Variants in LRRC4C observed in about 807,000 individuals in gnomAD.
LRRC4C encodes leucine-rich repeat-containing protein 4C.
In LRRC4C, 5 loss-of-function variants were observed where a neutral mutation model predicts 33.6. That is an observed-to-expected ratio of 0.15 (90% CI 0.08 to 0.31). LRRC4C has a LOEUF of 0.31. Among genes scored for constraint, LRRC4C ranks in the 10% least tolerant of loss-of-function variants. The probability of loss-of-function intolerance (pLI) is 1.00; values close to 1 mark genes in which losing one functional copy is unlikely to be tolerated. For missense variants in LRRC4C, 560 were observed against 796.7 expected (o/e 0.70, Z 3.58); for synonymous variants, 329 against 302.0 (o/e 1.09, Z -0.93).
At chr11:41,243,771 C>T (rs999054240) in intron 1 of LRRC4C, among the ~76,000 whole-genome samples, 4 of 152,054 alleles carry the variant, frequency 2.6e-5, no homozygotes, top group African/African-American at 9.7e-5. Flanking sequence ...TGGAGAGCTG[C>T]TTTAACCAGG....
chr11:40,366,339 G>A (rs1032036324), intron 3 of LRRC4C, among the ~76,000 whole-genome samples: 2 of 152,004 alleles, frequency 1.3e-5, no homozygotes, highest in African/African-American at 4.8e-5. Context: ...GATCCTTGAA[G>A]CATTTAAGAC....
chr11:40,234,896 G>C (rs1034185958), intron 5 of LRRC4C, among the ~76,000 whole-genome samples: 4 of 152,138 alleles, frequency 2.6e-5, no homozygotes, highest in Admixed American at 2.0e-4. Context: ...ACTTTTTTTA[G>C]ACTTTGCCCA....
intron 3 of LRRC4C, among the ~76,000 whole-genome samples, chr11:40,463,400 A>T (rs1441054985): frequency 1.3e-5 from 2 of 151,710 alleles, no homozygotes; most frequent in Admixed American, 6.6e-5. Flanking sequence ...ATCTTAGGAA[A>T]ACAATTGGCA....
intron 3 of LRRC4C, among the ~76,000 whole-genome samples, chr11:40,558,129 A>G (rs1254783786): frequency 6.6e-6 from 1 of 152,240 alleles, no homozygotes; most frequent in Non-Finnish European, 1.5e-5. Context: ...GTTCAGAAAT[A>G]CAAATACAAA....
At position 40,987,654 on chromosome 11, in the gene LRRC4C, T is replaced by TATATATA. The variant is rs1565274524; in HGVS notation, c.-495-53932_-495-53931insTATATAT. Among the ~76,000 whole-genome samples, 5 of 24,878 alleles carry TATATATA rather than the reference T, an allele frequency of 2.0e-4. 1 individual carries two copies. The highest frequency in any genetic ancestry group is 3.6e-4 in the Admixed American group (1 of 2,756). 16.3% of individuals were successfully genotyped at this position (24,878 alleles called of 152,430 possible). ...TGATATATATATATATATATATATC[T>TATATATA]CATATATATGAGATATAAATGATAT... On this transcript the variant is annotated intron_variant, in intron 1 of 6. Transcript: ENST00000528697.
At chr11:41,425,903 T>C (rs1402045225) in intron 1 of LRRC4C, among the ~76,000 whole-genome samples, 1 of 152,138 alleles carries the variant, frequency 6.6e-6, no homozygotes, top group Non-Finnish European at 1.5e-5. Flanking sequence ...GGTTGCCTTT[T>C]AGATAGAGCC....
rs543410586 is a variant in LRRC4C, at chr11:40,618,607, G to C, written c.-270+29535C>G. Among the ~76,000 whole-genome samples, 5 of 151,906 alleles carry C rather than the reference G, an allele frequency of 3.3e-5. 1 individual carries two copies. The South Asian group carries it at 1.0e-3, about 31-fold the overall frequency. Reference sequence around the variant, plus strand: ...CCCATTACCTAACACAATAAAGTCTGAAGCCAGAGAGAGCCCTCTTTGCTC... The same window carrying C: ...CCCATTACCTAACACAATAAAGTCTCAAGCCAGAGAGAGCCCTCTTTGCTC... On this transcript the variant is annotated intron_variant, in intron 3 of 6. Transcript: ENST00000528697.
At chr11:40,598,579 T>C (rs1959621439) in intron 3 of LRRC4C, among the ~76,000 whole-genome samples, 2 of 152,174 alleles carry the variant, frequency 1.3e-5, no homozygotes, top group Non-Finnish European at 2.9e-5. Context: ...GCAGGTGCAA[T>C]GCTCTGTGCT....
In LRRC4C at chr11:41,198,774, C is replaced by T. The variant is rs560804798; in HGVS notation, c.-496+260657G>A. Among the ~76,000 whole-genome samples the T allele has an allele frequency of 1.4e-4, 21 of 151,954 alleles. No individual in the cohort carries two copies. In the South Asian group the frequency reaches 4.4e-3, roughly 32 times the overall value. ...GATTTCTTTACAGCGGTAGAAGTCC[C>T]AGCGAAATAACCAGAAGACAAACAT... On this transcript the variant is annotated intron_variant, in intron 1 of 6. Coordinates refer to ENST00000528697, the MANE Select transcript of LRRC4C (RefSeq NM_001258419.2).
At chr11:40,185,957 A>G (rs903311507) in intron 5 of LRRC4C, among the ~76,000 whole-genome samples, 6 of 152,076 alleles carry the variant, frequency 3.9e-5, no homozygotes, top group Non-Finnish European at 7.4e-5. Flanking sequence ...CCATCCTCCC[A>G]ATGCCAAGCA....
At chr11:40,600,418 T>TCCAAGCCC (rs1959865100) in intron 3 of LRRC4C, among the ~76,000 whole-genome samples, 1 of 152,196 alleles carries the variant, frequency 6.6e-6, no homozygotes, top group South Asian at 2.1e-4. Context: ...TCTGTTTTAC[T>TCCAAGCCC]CCAAGCCCAC....
At chr11:40,612,062 CA>C (rs1481381794) in intron 3 of LRRC4C, among the ~76,000 whole-genome samples, 1 of 151,754 alleles carries the variant, frequency 6.6e-6, no homozygotes, top group African/African-American at 2.4e-5. Context: ...TATTTGAAAT[CA>C]GGATCTCAAA....
chr11:40,187,631 A>G (rs909756702), intron 5 of LRRC4C, among the ~76,000 whole-genome samples: 1 of 152,088 alleles, frequency 6.6e-6, no homozygotes, highest in Non-Finnish European at 1.5e-5. Flanking sequence ...ACGCAAGGGC[A>G]AAGAGAAGGA....
chr11:41,015,248 C>T (rs1194912947), intron 1 of LRRC4C, among the ~76,000 whole-genome samples: 1 of 152,100 alleles, frequency 6.6e-6, no homozygotes, highest in Non-Finnish European at 1.5e-5. Flanking sequence ...TACTTACTGT[C>T]AATAACAAAG....
Position 41,111,479 on chromosome 11 carries a change from C to G in LRRC4C, c.-495-177756G>C, listed in dbSNP as rs1257283439. On this transcript the variant is annotated intron_variant, in intron 1 of 6. Transcript: ENST00000528697. ...GATAAAGTATATTAAACTATTAAAT[C>G]TCCTCCAGATTTTAATTTATTCTAT... is the stretch of plus-strand genomic sequence containing the variant. 2.0e-5 allele frequency among the ~76,000 whole-genome samples: 3 copies of G among 152,042 alleles called. No homozygotes were observed. The East Asian group carries it at 5.8e-4, about 29-fold the overall frequency.
At chr11:41,441,487 CT>C (rs535444617) in intron 1 of LRRC4C, among the ~76,000 whole-genome samples, 5,227 of 144,598 alleles carry the variant, frequency 0.036, 114 homozygotes, top group Middle Eastern at 0.11. Flanking sequence ...TTTCAACGCT[CT>C]TTTTTTTTTT....
At chr11:40,799,895 C>G (rs1950974077) in intron 2 of LRRC4C, among the ~76,000 whole-genome samples, 1 of 152,186 alleles carries the variant, frequency 6.6e-6, no homozygotes, top group Non-Finnish European at 1.5e-5. Flanking sequence ...AATATACTGG[C>G]TAGATCATCC....
rs776183214 is a variant in LRRC4C at position 40,627,072 on chromosome 11, CTG to C, written c.-270+21068_-270+21069del. ...CCTTTTTTAAAAGCTGTCAGCTATA[CTG>C]TTTTTTTTTTTTTTTTTTTGGTTGG... On this transcript the variant is annotated intron_variant, in intron 3 of 6. Coordinates refer to ENST00000528697, the MANE Select transcript of LRRC4C (RefSeq NM_001258419.2). 5.1e-3 allele frequency among the ~76,000 whole-genome samples: 539 copies of C among 106,402 alleles called. 1 individual carries two copies. The highest frequency in any genetic ancestry group is 9.1e-3 in the Admixed American group (69 of 7,582). The allele number at this position is 106,402 out of a possible 152,430, so 69.8% of individuals were successfully genotyped here. A position where few individuals can be genotyped will look rare whatever the true frequency, so the allele number is the denominator to read the frequency against.
At chr11:40,389,800 GT>G (rs2137437131) in intron 3 of LRRC4C, among the ~76,000 whole-genome samples, 1 of 152,270 alleles carries the variant, frequency 6.6e-6, no homozygotes, top group South Asian at 2.1e-4. Flanking sequence ...GCATGAAGTT[GT>G]TATAAGTAGC....
Sources: allele counts gnomAD v4.1 joint callset (sites outside exome capture counted in the v4.1 genomes callset), GRCh38; gene constraint gnomAD v4.1.1; transcripts MANE v1.5; gene names NCBI Gene and HGNC (gene_info 2026-07-23, HGNC 2026-07-21).